The following VPS41 variants were observed in gnomAD, a reference collection of about 807,000 sequenced individuals.
VPS41 encodes the protein VPS41 subunit of HOPS complex.
In VPS41, 85 loss-of-function variants were observed where a neutral mutation model predicts 130.9. The observed-to-expected ratio is 0.65, with a 90% CI of 0.55 to 0.78. VPS41 has a LOEUF of 0.78. Among genes scored for constraint, VPS41 ranks in the 30% least tolerant of loss-of-function variants. The probability of loss-of-function intolerance (pLI) is 0.00; values close to 1 mark genes in which losing one functional copy is unlikely to be tolerated. For synonymous variants in VPS41, 335 were observed against 332.9 expected, an observed-to-expected ratio of 1.01 and a Z score of -0.07; for missense variants, 874 against 1,018.7, an observed-to-expected ratio of 0.86 and a Z score of 1.93.
At position 38,728,600 on chromosome 7, in the gene VPS41, C is replaced by A; in HGVS notation, c.2360-14G>T. 6.2e-7 allele frequency: 1 copy of A among 1,614,138 alleles called. No homozygotes were observed. Among genetic ancestry groups the A allele is most frequent in the Non-Finnish European group, 8.5e-7 (1 of 1,180,012 alleles). Reference sequence around the variant, plus strand: ...AGATGTTCTCCTCTGTAAGAAAACACACATACTTTGGATTATGCCCTGTTT... The same window carrying A: ...AGATGTTCTCCTCTGTAAGAAAACAAACATACTTTGGATTATGCCCTGTTT... On this transcript the variant is annotated splice_polypyrimidine_tract_variant and intron_variant, in intron 26 of 28. Transcript: ENST00000310301.
In VPS41 at chr7:38,728,766, T is replaced by C. The variant is rs1795599830; in HGVS notation, c.2285A>G (p.Lys762Arg). 2 of 1,614,064 alleles carry C rather than the reference T, an allele frequency of 1.2e-6. No homozygotes were observed. The highest frequency in any genetic ancestry group is 2.7e-5 in the African/African-American group (2 of 74,940). ...GGACAAAGAGTCAGCTACGAGAATC[T>C]TCTTGCAGCCTTCACGAAGCAGAAT... ...LQILLREGCK[K>R]ILVADSLSLL... Residue 762 changes from lysine (K) to arginine (R), a missense_variant, in exon 26 of 29, where the codon AAG becomes AGG. Lys to Arg is a conservative substitution (Grantham distance 26). Coordinates refer to ENST00000310301, the MANE Select transcript of VPS41 (RefSeq NM_014396.4).
At chr7:38,801,622 T>A (rs1371036088) in intron 7 of VPS41, among the ~76,000 whole-genome samples, 2 of 152,228 alleles carry the variant, frequency 1.3e-5, no homozygotes, top group Non-Finnish European at 2.9e-5. Flanking sequence ...ATTGGTTCTG[T>A]ATATGTTTTA....
At chr7:38,774,549 G>GA (rs1402419827) in intron 11 of VPS41, among the ~76,000 whole-genome samples, 1 of 150,330 alleles carries the variant, frequency 6.7e-6, no homozygotes, top group Non-Finnish European at 1.5e-5. Context: ...TGAAACAACT[G>GA]AAAAAAAATG....
chr7:38,810,013 C>T (rs1490012277), intron 7 of VPS41, among the ~76,000 whole-genome samples: 1 of 151,606 alleles, frequency 6.6e-6, no homozygotes, highest in Non-Finnish European at 1.5e-5. Flanking sequence ...ATTCTTGCTA[C>T]AAAAGAAGGT....
intron 4 of VPS41, chr7:38,831,239 T>G (rs1180051016): frequency 4.2e-6 from 2 of 471,060 alleles, no homozygotes; most frequent in Non-Finnish European, 8.8e-6. Context: ...TTCTTTGGCA[T>G]CTGGTTGTAA....
At chr7:38,786,153 T>A (rs1037373395) in intron 10 of VPS41, among the ~76,000 whole-genome samples, 2 of 152,110 alleles carry the variant, frequency 1.3e-5, no homozygotes, top group African/African-American at 2.4e-5. Context: ...GGAAGCACTG[T>A]GTGACACCAT....
intron 15 of VPS41, 166 bp from the exon 16 acceptor site, chr7:38,765,827 T>C (rs1259581429): frequency 1.9e-6 from 1 of 514,514 alleles, no homozygotes; most frequent in Non-Finnish European, 3.4e-6. Flanking sequence ...AAGATATTAC[T>C]GTTACTCATT....
At chr7:38,745,832 G>A in intron 22 of VPS41, 1 of 492,604 alleles carries the variant, frequency 2.0e-6, no homozygotes, top group Non-Finnish European at 3.5e-6. Context: ...CATATTTGAA[G>A]CTACTCAGAA....
intron 3 of VPS41, among the ~76,000 whole-genome samples, chr7:38,863,762 G>A (rs953880273): frequency 6.6e-6 from 1 of 152,180 alleles, no homozygotes; most frequent in Non-Finnish European, 1.5e-5. Context: ...TAGGTATGAC[G>A]ATTCCGCTGC....
intron 9 of VPS41, 126 bp downstream of exon 9, chr7:38,795,339 C>A: frequency 3.1e-6 from 2 of 650,892 alleles, no homozygotes; most frequent in Non-Finnish European, 4.8e-6. Context: ...AAATGGTAAT[C>A]ACGTCACAAT....
chr7:38,874,996 T>C (rs1295360953), intron 2 of VPS41, among the ~76,000 whole-genome samples: 1 of 152,202 alleles, frequency 6.6e-6, no homozygotes, highest in African/African-American at 2.4e-5. Context: ...GACTAAAATA[T>C]TTCTTTGCTA....
At chr7:38,733,771 C>T (rs1241492937) in intron 25 of VPS41, among the ~76,000 whole-genome samples, 2 of 152,138 alleles carry the variant, frequency 1.3e-5, no homozygotes, top group Non-Finnish European at 2.9e-5. Flanking sequence ...TAACCTATGT[C>T]TCTTATTAGA....
At chr7:38,808,688 T>A (rs1784883161) in intron 7 of VPS41, among the ~76,000 whole-genome samples, 1 of 152,132 alleles carries the variant, frequency 6.6e-6, no homozygotes, top group African/African-American at 2.4e-5. Flanking sequence ...CAATCAAGCA[T>A]CTGAAAACTT....
chr7:38,807,994 G>A (rs6962120), intron 7 of VPS41, among the ~76,000 whole-genome samples: 12,059 of 152,174 alleles, frequency 0.079, 594 homozygotes, highest in African/African-American at 0.13. Flanking sequence ...TCAGAGTTCA[G>A]GGGAAAGCTA....
intron 5 of VPS41, among the ~76,000 whole-genome samples, chr7:38,826,259 G>A (rs77279672): frequency 0.023 from 3,490 of 152,266 alleles, 50 homozygotes; most frequent in Middle Eastern, 0.034. Context: ...GGGCAAGTTA[G>A]ACATTGAATC....
intron 6 of VPS41, 63 bp downstream of exon 6, chr7:38,821,140 T>G: frequency 8.2e-7 from 1 of 1,225,954 alleles, no homozygotes; most frequent in South Asian, 1.2e-5. Flanking sequence ...TTCAAATTAC[T>G]GTAATCCATA....
intron 12 of VPS41, among the ~76,000 whole-genome samples, chr7:38,773,822 G>A (rs1784201118): frequency 6.6e-6 from 1 of 152,108 alleles, no homozygotes; most frequent in Admixed American, 6.6e-5. Flanking sequence ...ATTAAATTAT[G>A]TGTCACATTA....
At chr7:38,909,041 C>T in intron 1 of VPS41, 113 bp downstream of exon 1, 1 of 1,302,278 alleles carries the variant, frequency 7.7e-7, no homozygotes, top group East Asian at 2.3e-5. Context: ...CGCGGACCTG[C>T]CTTGCGCTAT....
At chr7:38,736,449 T>G (rs1795768908) in intron 25 of VPS41, among the ~76,000 whole-genome samples, 1 of 152,248 alleles carries the variant, frequency 6.6e-6, no homozygotes, top group Admixed American at 6.5e-5. Flanking sequence ...TACCAAAGTC[T>G]CAATAGGCTT....
Sources: gnomAD v4.1 joint callset for allele counts (sites outside exome capture counted in the v4.1 genomes callset) on GRCh38, gnomAD v4.1.1 for gene constraint, MANE v1.5 for transcripts, NCBI Gene and HGNC (gene_info 2026-07-23, HGNC 2026-07-21) for gene names.